The following ACOX1 variants were observed in gnomAD, a reference collection of about 807,000 sequenced individuals.
ACOX1 encodes peroxisomal acyl-coenzyme A oxidase 1.
ACOX1 carries 41 observed loss-of-function variants against 75.5 expected under a neutral mutation model. The ratio of observed to expected loss-of-function variants is 0.54; its 90% CI spans 0.42 to 0.70. The LOEUF (loss-of-function observed/expected upper bound fraction) is 0.70. ACOX1 is among the 30% of genes least tolerant of loss of function. The pLI is 0.00. For synonymous variants in ACOX1, 303 were observed against 298.8 expected (o/e 1.01, Z -0.15); for missense variants, 630 against 837.5 (o/e 0.75, Z 3.06).
intron 6 of ACOX1, among the ~76,000 whole-genome samples, chr17:75,954,522 A>C (rs1482482498): frequency 1.1e-3 from 145 of 137,008 alleles, no homozygotes; most frequent in Admixed American, 2.3e-3. Context: ...CTCTCTCTCA[A>C]AAAAAAAAAA....
chr17:75,962,076 T>G (rs1024106709), intron 2 of ACOX1, among the ~76,000 whole-genome samples: 5 of 152,164 alleles, frequency 3.3e-5, no homozygotes, highest in Admixed American at 2.6e-4. Context: ...ACCATATTCC[T>G]CACATAGCTC....
chr17:75,951,722 C>A, intron 7 of ACOX1, 145 bp from the exon 8 acceptor site: 1 of 750,418 alleles, frequency 1.3e-6, no homozygotes, highest in Non-Finnish European at 2.2e-6. Context: ...TTACTATCTC[C>A]ATTTTACAAA....
intron 2 of ACOX1, among the ~76,000 whole-genome samples, chr17:75,976,798 A>G (rs2066054189): frequency 6.6e-6 from 1 of 152,088 alleles, no homozygotes; most frequent in African/African-American, 2.4e-5. Context: ...AACATGTTCT[A>G]TTTAGCTTGG....
intron 3 of ACOX1, among the ~76,000 whole-genome samples, chr17:75,958,649 A>T (rs2065859106): frequency 6.6e-6 from 1 of 151,920 alleles, no homozygotes; most frequent in Non-Finnish European, 1.5e-5. Context: ...TCTACTAAAA[A>T]TACAAAAAAT....
Position 75,946,469 on chromosome 17 carries a change from A to G in ACOX1, c.*279T>C, listed in dbSNP as rs2065721348. 4.7e-6 allele frequency: 2 copies of G among 428,808 alleles called. No homozygotes were observed. The highest frequency in any genetic ancestry group is 4.4e-5 in the South Asian group (2 of 45,882). 26.6% of individuals were successfully genotyped at this position (428,808 alleles called of 1,614,324 possible). ...TAAATTCTGCTAATTATCAAAAGTC[A>G]TAGTCTACTGGGATCAGCAGCATTA... is the stretch of plus-strand genomic sequence containing the variant. On this transcript the variant is annotated 3_prime_UTR_variant, in exon 14 of 14. Transcript: ENST00000293217.
rs2066091495 is a variant in ACOX1 at position 75,979,152 on chromosome 17, CGGACCCTAGGA to C, written c.-90_-80del. ...CTAAATCCGCAGCTCCAGCGCCGGC[CGGACCCTAGGA>C]GGCAGCCTCAGGACGGCGCAAGTCC... On this transcript the variant is annotated 5_prime_UTR_variant, in exon 1 of 14. Coordinates refer to ENST00000293217, the MANE Select transcript of ACOX1 (RefSeq NM_004035.7). 10 of 1,565,008 alleles carry C rather than the reference CGGACCCTAGGA, an allele frequency of 6.4e-6. No homozygotes were observed. In the Admixed American group the frequency reaches 1.3e-4, roughly 20 times the overall value.
chr17:75,952,583 T>C (rs2065784952), intron 7 of ACOX1, among the ~76,000 whole-genome samples: 1 of 151,890 alleles, frequency 6.6e-6, no homozygotes, highest in Admixed American at 6.6e-5. Context: ...CGTGAGCCAC[T>C]GCGCCTGGCC....
At chr17:75,957,242 G>A (rs376928604) in intron 4 of ACOX1, among the ~76,000 whole-genome samples, 3 of 151,290 alleles carry the variant, frequency 2.0e-5, no homozygotes, top group Non-Finnish European at 4.4e-5. Context: ...CACCACACCC[G>A]GCTAATTTTT....
At chr17:75,968,605 G>GAAAA (rs56009651) in intron 2 of ACOX1, among the ~76,000 whole-genome samples, 3 of 69,236 alleles carry the variant, frequency 4.3e-5, no homozygotes, top group Admixed American at 1.9e-4. Flanking sequence ...GACTCCGCCT[G>GAAAA]AAAAAAAAAA....
intron 2 of ACOX1, chr17:75,973,864 G>T: frequency 6.8e-7 from 1 of 1,470,950 alleles, no homozygotes; most frequent in Non-Finnish European, 9.4e-7. Flanking sequence ...AAACAGCTTT[G>T]GCCTTCAAGG....
intron 2 of ACOX1, among the ~76,000 whole-genome samples, chr17:75,976,760 C>A (rs1196079307): frequency 1.3e-5 from 2 of 152,066 alleles, no homozygotes; most frequent in African/African-American, 4.8e-5. Flanking sequence ...GAGGCAGTGA[C>A]CATTATTACC....
rs1232205530 is a variant in ACOX1 at position 75,948,359 on chromosome 17, T to C, written c.1827A>G (p.Ala609=). The change falls in exon 13 of 14, where the codon GCA becomes GCG. Residue 609 remains alanine (A), a synonymous_variant. Coordinates refer to ENST00000293217, the MANE Select transcript of ACOX1 (RefSeq NM_004035.7). ...CAAGTGTCACATCCTGAAAATCAAA[T>C]GCATCAACCAAAGCAACAGCATCTG... The part of the protein sequence containing the change: ...IRSDAVALVD[A]FDFQDVTLGS... 2 of 1,614,148 alleles carry C rather than the reference T, an allele frequency of 1.2e-6. No homozygotes were observed. Among genetic ancestry groups the C allele is most frequent in the South Asian group, 1.1e-5 (1 of 91,080 alleles).
Position 75,955,878 on chromosome 17 carries a change from T to C in ACOX1, c.608A>G (p.His203Arg). The C allele has an allele frequency of 6.2e-7, 1 of 1,614,158 alleles. No homozygotes were observed. ...LITKGKCYGL[H>R]AFIVPIREIG... The stretch of plus-strand genomic sequence containing the variant: ...TTCACGAATAGGTACGATAAAGGCA[T>C]GTAATCCATAGCATTTCCCCTTAGT... The change falls in exon 5 of 14, where the codon CAT (histidine) becomes CGT (arginine). Residue 203 changes from histidine (H) to arginine (R), a missense_variant. His to Arg is a conservative substitution (Grantham distance 29, BLOSUM62 0). Transcript: ENST00000293217.
At chr17:75,971,309 T>C (rs868325344) in intron 2 of ACOX1, among the ~76,000 whole-genome samples, 2 of 141,882 alleles carry the variant, frequency 1.4e-5, no homozygotes, top group African/African-American at 5.2e-5. Context: ...AAAAAAAAAA[T>C]ACCCAAAACT....
intron 12 of ACOX1, 101 bp from the exon 13 acceptor site, chr17:75,948,558 CT>C (rs1040565790): frequency 0.11 from 84,078 of 750,312 alleles, no homozygotes; most frequent in South Asian, 0.15. Context: ...TTATTTTTTT[CT>C]TTTTTTTTTT....
At chr17:75,958,572 G>C (rs1380148425) in intron 3 of ACOX1, among the ~76,000 whole-genome samples, 3 of 151,420 alleles carry the variant, frequency 2.0e-5, no homozygotes, top group African/African-American at 7.3e-5. Flanking sequence ...ACTTTGGGGG[G>C]CCAAGGCGGG....
chr17:75,972,323 T>C (rs1598199812), intron 2 of ACOX1, among the ~76,000 whole-genome samples: 1 of 71,724 alleles, frequency 1.4e-5, no homozygotes. Context: ...TGAGACTCTG[T>C]CTCCAAAAAA....
rs1438928103 is a variant in ACOX1 at position 75,942,313 on chromosome 17, C to A, written c.*4435G>T. On this transcript the variant is annotated 3_prime_UTR_variant, in exon 14 of 14. Transcript: ENST00000293217. ...CAGGCATGGTGGCAGGCGCTGTAATCCCAGCTTCTCAGGAGGCTGAGGCAG... is the reference window on the plus strand; with the variant it reads ...CAGGCATGGTGGCAGGCGCTGTAATACCAGCTTCTCAGGAGGCTGAGGCAG... 6.6e-6 allele frequency: 1 copy of A among 151,758 alleles called. No homozygotes were observed. The highest frequency in any genetic ancestry group is 2.4e-5 in the African/African-American group (1 of 41,220). 9.4% of individuals were successfully genotyped at this position (151,758 alleles called of 1,614,324 possible).
At position 75,957,551 on chromosome 17, in the gene ACOX1, C is replaced by A; in HGVS notation, c.446G>T (p.Gly149Val). Residue 149 changes from glycine (G) to valine (V), a missense_variant, in exon 4 of 14, where the codon GGC becomes GTC. Physicochemically the swap from Gly to Val is moderately radical, Grantham distance 109 (BLOSUM62 -3). Around this residue, in one of 2 missense-constraint regions of ACOX1, gnomAD observed 390 missense variants for 574.9 expected, o/e 0.68. Coordinates refer to ENST00000293217, the MANE Select transcript of ACOX1 (RefSeq NM_004035.7). ...GTCATACGTGGCTGTGGTTTCCAAG[C>A]CTCGAAGGTGAGTTCCTAAGGAGAT... ...TEMGHGTHLR[G>V]LETTATYDPE... 6.2e-7 allele frequency: 1 copy of A among 1,613,900 alleles called. No homozygotes were observed. The highest frequency in any genetic ancestry group is 8.5e-7 in the Non-Finnish European group (1 of 1,179,902).
Sources: gnomAD v4.1 joint callset for allele counts (sites outside exome capture counted in the v4.1 genomes callset) on GRCh38, gnomAD v4.1.1 for gene constraint, gnomAD v4.1.1 regional missense constraint, MANE v1.5 for transcripts, NCBI Gene and HGNC (gene_info 2026-07-23, HGNC 2026-07-21) for gene names.